ABCC6: variants seen among roughly 807,000 people sequenced by gnomAD.
The protein encoded by ABCC6 is ATP-binding cassette sub-family C member 6.
In ABCC6, 126 loss-of-function variants were observed where a neutral mutation model predicts 169.5. The ratio of observed to expected loss-of-function variants is 0.74; its 90% confidence interval spans 0.64 to 0.86. The LOEUF (loss-of-function observed/expected upper bound fraction) is 0.86, where lower values mean the gene tolerates loss of function less well. ABCC6 is among the 40% of genes least tolerant of loss of function. The pLI is 0.00. For synonymous variants in ABCC6, 752 were observed against 814.7 expected (o/e 0.92, Z 1.31); for missense variants, 1,733 against 1,927.2 (o/e 0.90, Z 1.89).
intron 17 of ABCC6, 28 bp from the exon 18 acceptor site, chr16:16,178,993 G>A (rs2047383657): frequency 1.2e-6 from 2 of 1,608,834 alleles, no homozygotes; most frequent in Admixed American, 1.7e-5. Flanking sequence ...ACAGTGGCCT[G>A]AGTCAGCATC....
chr16:16,156,734 G>C (rs542911844), intron 27 of ABCC6, among the ~76,000 whole-genome samples: 1 of 152,102 alleles, frequency 6.6e-6, no homozygotes, highest in Admixed American at 6.6e-5. Context: ...ATTGAGGTCA[G>C]AAGTTTCATA....
intron 9 of ABCC6, among the ~76,000 whole-genome samples, chr16:16,198,710 G>A (rs564809874): frequency 6.6e-6 from 1 of 150,810 alleles, no homozygotes; most frequent in Non-Finnish European, 1.5e-5. Flanking sequence ...AATTAGCCAG[G>A]GGGCCGGGTG....
At position 16,221,638 on chromosome 16, in the gene ABCC6, A is replaced by G. The variant is rs1264548482; in HGVS notation, c.219+11T>C. 5 of 1,613,596 alleles carry G rather than the reference A, an allele frequency of 3.1e-6. No individual in the cohort carries two copies. In the East Asian group the frequency reaches 1.1e-4, roughly 36 times the overall value. On this transcript the variant is annotated intron_variant, in intron 2 of 30. Transcript: ENST00000205557. ...ATTGCCTGGTTCCAGGCTCCCAGGGATGGCAGCTACCATCTTGGCTTTGAA... is the reference window on the plus strand; with the variant it reads ...ATTGCCTGGTTCCAGGCTCCCAGGGGTGGCAGCTACCATCTTGGCTTTGAA...
At chr16:16,182,323 C>T in intron 17 of ABCC6, 89 bp downstream of exon 17, 2 of 1,521,686 alleles carry the variant, frequency 1.3e-6, no homozygotes, top group Non-Finnish European at 1.8e-6. Context: ...CCTCTCATTT[C>T]TCCATCATAC....
chr16:16,198,897 G>A (rs1050353691), intron 9 of ABCC6, among the ~76,000 whole-genome samples: 13 of 152,072 alleles, frequency 8.5e-5, no homozygotes, highest in Non-Finnish European at 1.8e-4. Flanking sequence ...GGGAGGCTGA[G>A]GCAAGAGAAT....
intron 14 of ABCC6, among the ~76,000 whole-genome samples, chr16:16,186,496 T>G (rs561662726): frequency 5.9e-5 from 9 of 151,708 alleles, no homozygotes; most frequent in Non-Finnish European, 1.2e-4. Context: ...CATCACCGCC[T>G]GAGCTCCACC....
Position 16,149,798 on chromosome 16 carries a change from TTC to T in ABCC6, c.*333_*334del. On this transcript the variant is annotated 3_prime_UTR_variant, in exon 31 of 31. Coordinates refer to ENST00000205557, the MANE Select transcript of ABCC6 (RefSeq NM_001171.6). Reference sequence around the variant, plus strand: ...GCATGGCAGTTCCCAGCCTCAGAGATTCTGATTTAAGGGTCTAGCCGGGAGCC... The same window carrying T: ...GCATGGCAGTTCCCAGCCTCAGAGATTGATTTAAGGGTCTAGCCGGGAGCC... 2.2e-6 allele frequency: 1 copy of T among 451,784 alleles called. No individual in the cohort carries two copies. The highest frequency in any genetic ancestry group is 2.5e-5 in the South Asian group (1 of 39,828). The allele number at this position is 451,784 out of a possible 1,614,324, so 28.0% of individuals were successfully genotyped here.
At chr16:16,156,714 G>A (rs933132869) in intron 27 of ABCC6, among the ~76,000 whole-genome samples, 9 of 151,882 alleles carry the variant, frequency 5.9e-5, no homozygotes, top group African/African-American at 1.7e-4. Flanking sequence ...TTGGGAGGCC[G>A]AGGGGGGTGA....
At chr16:16,208,636 T>A in intron 7 of ABCC6, 92 bp downstream of exon 7, 1 of 1,604,916 alleles carries the variant, frequency 6.2e-7, no homozygotes, top group Non-Finnish European at 8.5e-7. Flanking sequence ...CCTCCCAAAA[T>A]GCCGGGATTA....
In ABCC6 at chr16:16,173,309, C is replaced by G. The variant is rs2047171653; in HGVS notation, c.2762G>C (p.Gly921Ala). 3.1e-6 allele frequency: 5 copies of G among 1,613,902 alleles called. No homozygotes were observed. Among genetic ancestry groups the G allele is most frequent in the South Asian group, 1.1e-5 (1 of 91,082 alleles). ...CCTGCCGTATTGGATGCTGTCCTTTCCTGCTGGCCATCCTGCCCTGTCAGG... is the reference window on the plus strand; with the variant it reads ...CCTGCCGTATTGGATGCTGTCCTTTGCTGCTGGCCATCCTGCCCTGTCAGG... ...DDPDRAGWPA[G>A]KDSIQYGRVK... is the part of the protein sequence containing the mutation. The change falls in exon 21 of 31, where the codon GGA becomes GCA. Residue 921 changes from glycine to alanine, a missense_variant. Transcript: ENST00000205557.
chr16:16,186,001 C>A (rs753000070), intron 14 of ABCC6, among the ~76,000 whole-genome samples: 49 of 152,142 alleles, frequency 3.2e-4, no homozygotes, highest in Non-Finnish European at 6.8e-4. Flanking sequence ...GATGGGAACA[C>A]GGAAGCTCAG....
chr16:16,157,515 G>A, intron 27 of ABCC6, 148 bp downstream of exon 27: 1 of 1,049,266 alleles, frequency 9.5e-7, no homozygotes, highest in Admixed American at 2.0e-5. Flanking sequence ...AAGGTGAGGA[G>A]TTCATTTTAG....
intron 9 of ABCC6, 36 bp from the exon 10 acceptor site, chr16:16,198,218 G>T (rs2048120417): frequency 1.3e-6 from 2 of 1,559,084 alleles, no homozygotes; most frequent in Non-Finnish European, 1.7e-6. Flanking sequence ...GTAAAGTGGG[G>T]AGGCCGGGGC....
chr16:16,202,274 G>A lies in ABCC6; in HGVS notation c.999-96C>T, dbSNP rs1021440978. The A allele has an allele frequency of 9.4e-6, 13 of 1,385,194 alleles. No homozygotes were observed. In the East Asian group the frequency reaches 1.3e-4, roughly 13 times the overall value. 85.8% of individuals were successfully genotyped at this position (1,385,194 alleles called of 1,614,324 possible). On this transcript the variant is annotated intron_variant, in intron 8 of 30. Transcript: ENST00000205557. ...CCAGTCCAGATGTGGAGGATCAGTC[G>A]GCCCAAACTAGTCCAGGTGTGGAGG... is the stretch of plus-strand genomic sequence containing the variant.
At position 16,150,321 on chromosome 16, in the gene ABCC6, C is replaced by T. The variant is rs891758875; in HGVS notation, c.4404-80G>A. Reference sequence around the variant, plus strand: ...CAGCTGTGAGAGCCCAGTGTGTCTGCGCTGAGGTTTTCTCCATAGAAGTCC... The same window carrying T: ...CAGCTGTGAGAGCCCAGTGTGTCTGTGCTGAGGTTTTCTCCATAGAAGTCC... On this transcript the variant is annotated intron_variant, in intron 30 of 30. Coordinates refer to ENST00000205557, the MANE Select transcript of ABCC6 (RefSeq NM_001171.6). 104 of 1,596,268 alleles carry T rather than the reference C, an allele frequency of 6.5e-5. 1 individual carries two copies. The East Asian group carries it at 1.4e-3, about 21-fold the overall frequency.
At chr16:16,196,586 A>G (rs2048045901) in intron 10 of ABCC6, among the ~76,000 whole-genome samples, 1 of 152,240 alleles carries the variant, frequency 6.6e-6, no homozygotes. Context: ...CGTTGGAGAC[A>G]AGAACAGGAG....
At chr16:16,207,170 A>G (rs2152287460) in intron 7 of ABCC6, among the ~76,000 whole-genome samples, 1 of 152,284 alleles carries the variant, frequency 6.6e-6, no homozygotes, top group Admixed American at 6.5e-5. Context: ...GTTCTCTCAC[A>G]CTACTTATTC....
Position 16,192,577 on chromosome 16 carries a change from G to A in ABCC6, c.1431+253C>T, listed in dbSNP as rs145054096. 4.3e-3 allele frequency among the ~76,000 whole-genome samples: 654 copies of A among 152,292 alleles called. 3 individuals carry two copies. Among genetic ancestry groups the A allele is most frequent in the African/African-American group, 0.014 (586 of 41,548 alleles). On this transcript the variant is annotated intron_variant, in intron 11 of 30. Coordinates refer to ENST00000205557, the MANE Select transcript of ABCC6 (RefSeq NM_001171.6). ...GTGATGCCAAGCAAATCTGCTGACA[G>A]ATGGGATGTGAGAGAAAAAGGCATT...
At chr16:16,198,889 G>C (rs1284832558) in intron 9 of ABCC6, among the ~76,000 whole-genome samples, 1 of 152,096 alleles carries the variant, frequency 6.6e-6, no homozygotes, top group Non-Finnish European at 1.5e-5. Flanking sequence ...AGCTACTTGG[G>C]AGGCTGAGGC....
Sources: gnomAD v4.1 joint callset for allele counts (sites outside exome capture counted in the v4.1 genomes callset) on GRCh38, gnomAD v4.1.1 for gene constraint, MANE v1.5 for transcripts, NCBI Gene and HGNC (gene_info 2026-07-23, HGNC 2026-07-21) for gene names.